Variants in PCDHGA3 observed in about 807,000 individuals in gnomAD.
PCDHGA3 encodes the protein protocadherin gamma-A3.
A neutral mutation model predicts 58.5 loss-of-function variants in PCDHGA3; 40 were observed. The observed-to-expected ratio is 0.68, with a 90% confidence interval of 0.53 to 0.89. The LOEUF (loss-of-function observed/expected upper bound fraction) is 0.89. PCDHGA3 is among the 40% of genes least tolerant of loss of function. PCDHGA3 has a pLI of 0.00. For missense variants in PCDHGA3, 1,223 were observed against 1,195.9 expected (o/e 1.02, Z -0.33); for synonymous variants, 530 against 525.7 (o/e 1.01, Z -0.11).
chr5:141,497,031 A>G (rs898409925), intron 2 of PCDHGA3, among the ~76,000 whole-genome samples: 14 of 152,184 alleles, frequency 9.2e-5, no homozygotes, highest in African/African-American at 3.4e-4. Context: ...TCGATTAAAA[A>G]TACAAAAATT....
intron 1 of PCDHGA3, chr5:141,394,070 T>C: frequency 6.2e-7 from 1 of 1,613,848 alleles, no homozygotes; most frequent in Non-Finnish European, 8.5e-7. Context: ...CTATCTACAA[T>C]ATCACAGTGA....
At chr5:141,376,288 G>A (rs753554580) in intron 1 of PCDHGA3, 4 of 1,614,216 alleles carry the variant, frequency 2.5e-6, no homozygotes, top group South Asian at 2.2e-5. Flanking sequence ...TAGCGAGCAT[G>A]CCCGGCTCGC....
intron 1 of PCDHGA3, chr5:141,372,934 G>A (rs1469163224): frequency 3.5e-6 from 3 of 866,562 alleles, no homozygotes; most frequent in Non-Finnish European, 5.1e-6. Flanking sequence ...CTGGTGTAGA[G>A]TAGGGTGTCT....
At chr5:141,408,478 T>C (rs1433834175) in intron 1 of PCDHGA3, 1 of 1,614,056 alleles carries the variant, frequency 6.2e-7, no homozygotes, top group Non-Finnish European at 8.5e-7. Context: ...GAATAGACCG[T>C]GAGCAAATAT....
At chr5:141,473,853 C>T (rs2099329853) in intron 1 of PCDHGA3, among the ~76,000 whole-genome samples, 1 of 152,128 alleles carries the variant, frequency 6.6e-6, no homozygotes, top group Non-Finnish European at 1.5e-5. Flanking sequence ...GGAAGATGAA[C>T]CTCGCTATTG....
chr5:141,391,493 G>A (rs949161885), intron 1 of PCDHGA3: 1 of 151,954 alleles, frequency 6.6e-6, no homozygotes, highest in Non-Finnish European at 1.5e-5. Context: ...TCTGTTTTCA[G>A]TAGAGAAAAT....
At chr5:141,360,926 T>G (rs1187113113) in intron 1 of PCDHGA3, 1 of 1,613,986 alleles carries the variant, frequency 6.2e-7, no homozygotes, top group Non-Finnish European at 8.5e-7. Flanking sequence ...GTGCTTCAAG[T>G]GACAGCCACC....
intron 1 of PCDHGA3, chr5:141,375,679 G>A (rs1399157230): frequency 6.2e-7 from 1 of 1,614,244 alleles, no homozygotes; most frequent in Admixed American, 1.7e-5. Flanking sequence ...AGCTGTGGGT[G>A]ACAGCCAGCG....
At chr5:141,385,005 C>T in intron 1 of PCDHGA3, 1 of 1,614,138 alleles carries the variant, frequency 6.2e-7, no homozygotes, top group Non-Finnish European at 8.5e-7. Flanking sequence ...CAGTCTCCTG[C>T]GTCTTCCTAG....
Position 141,503,010 on chromosome 5 carries a change from AT to A in PCDHGA3, c.2484-2371del, listed in dbSNP as rs199924715. ...AGGCGTGTGCCACCATGCCCGGTTA[AT>A]TTTTTTTTTTTAATATCTATTTTAG... On this transcript the variant is annotated intron_variant, in intron 2 of 3. Coordinates refer to ENST00000253812, the MANE Select transcript of PCDHGA3 (RefSeq NM_018916.4). Among the ~76,000 whole-genome samples the A allele has an allele frequency of 6.8e-3, 997 of 146,562 alleles. 9 individuals are homozygous for A. The highest frequency in any genetic ancestry group is 0.023 in the African/African-American group (916 of 39,838).
At chr5:141,433,397 A>G (rs189987785) in intron 1 of PCDHGA3, among the ~76,000 whole-genome samples, 270 of 150,524 alleles carry the variant, frequency 1.8e-3, no homozygotes, top group Non-Finnish European at 3.1e-3. Context: ...CTATCTATCT[A>G]TCTATCTATT....
chr5:141,487,176 A>T lies in PCDHGA3; in HGVS notation c.2425-7631A>T. ...ACTCTCTTAGTGTCCTTAGAGGAAG[A>T]CACTCATCCAGTTGTCCCAGATCTT... On this transcript the variant is annotated intron_variant, in intron 1 of 3. Transcript: ENST00000253812. This position sits in a 1 kb window ranked among gnomAD's most constrained non-coding sequence, Gnocchi z 5.0. 1 of 1,613,774 alleles carries T rather than the reference A, an allele frequency of 6.2e-7. No individual in the cohort carries two copies. Among genetic ancestry groups the T allele is most frequent in the South Asian group, 1.1e-5 (1 of 91,082 alleles).
chr5:141,419,746 G>A (rs1561783927), intron 1 of PCDHGA3: 2 of 1,613,896 alleles, frequency 1.2e-6, no homozygotes, highest in Admixed American at 1.7e-5. Context: ...TGCGCATGGT[G>A]CGTGCTTTGG....
rs951502238 is a variant in PCDHGA3 at position 141,478,263 on chromosome 5, A to G, written c.2425-16544A>G. ...ACAGTGTTCGGAGTAATCATATTCA[A>G]AGTTTACAAGTGGAAGCAGTCTAGA... On this transcript the variant is annotated intron_variant, in intron 1 of 3. Coordinates refer to ENST00000253812, the MANE Select transcript of PCDHGA3 (RefSeq NM_018916.4). The G allele has an allele frequency of 2.5e-6, 4 of 1,614,046 alleles. No individual in the cohort carries two copies. The African/African-American group carries it at 5.3e-5, about 22-fold the overall frequency.
chr5:141,357,665 C>T, intron 1 of PCDHGA3: 7 of 1,599,548 alleles, frequency 4.4e-6, no homozygotes, highest in Non-Finnish European at 6.0e-6. Flanking sequence ...GAAATATAGA[C>T]AAAGAGTTGT....
At chr5:141,384,442 T>G in intron 1 of PCDHGA3, 15 of 1,614,046 alleles carry the variant, frequency 9.3e-6, no homozygotes, top group Non-Finnish European at 1.3e-5. Context: ...TGGAGTCCTG[T>G]ACGCGCTGCA....
At chr5:141,389,539 AC>A (rs750868475) in intron 1 of PCDHGA3, 1 of 1,613,100 alleles carries the variant, frequency 6.2e-7, no homozygotes, top group African/African-American at 1.3e-5. Context: ...TTAGTGGACG[AC>A]CGCAACGACA....
intron 1 of PCDHGA3, chr5:141,385,343 T>C: frequency 1.3e-6 from 2 of 1,568,526 alleles, no homozygotes; most frequent in Non-Finnish European, 1.7e-6. Flanking sequence ...GCCCTTCCTT[T>C]ATTTCCATGA....
chr5:141,393,268 A>C, intron 1 of PCDHGA3: 1 of 1,613,946 alleles, frequency 6.2e-7, no homozygotes, highest in South Asian at 1.1e-5. Flanking sequence ...GGAGCACGTT[A>C]TCCACTCCCA....
Sources: allele counts gnomAD v4.1 joint callset (sites outside exome capture counted in the v4.1 genomes callset), GRCh38; gene constraint gnomAD v4.1.1; non-coding constraint Gnocchi (gnomAD v3.1); transcripts MANE v1.5; gene names NCBI Gene and HGNC (gene_info 2026-07-23, HGNC 2026-07-21).